The following PDE1C variants were observed in gnomAD, a reference collection of about 807,000 sequenced individuals.
The protein encoded by PDE1C is dual specificity calcium/calmodulin-dependent 3',5'-cyclic nucleotide phosphodiesterase 1C.
In PDE1C, 62 loss-of-function variants were observed where a neutral mutation model predicts 93.1. The observed-to-expected ratio is 0.67, with a 90% CI of 0.54 to 0.82. The LOEUF is 0.82. Among genes scored for constraint, PDE1C ranks in the 40% least tolerant of loss-of-function variants. The pLI is 0.00. For missense variants in PDE1C, 742 were observed against 884.6 expected, an observed-to-expected ratio of 0.84 and a Z score of 2.04; for synonymous variants, 325 against 310.1, an observed-to-expected ratio of 1.05 and a Z score of -0.50.
chr7:31,696,946 T>A, the PDE1C span: 5 of 1,612,420 alleles, frequency 3.1e-6, no homozygotes, highest in Admixed American at 6.7e-5. Context: ...TTTCTCTCTG[T>A]GTTCCCCTAA....
At chr7:31,725,254 T>C in the PDE1C span, among the ~76,000 whole-genome samples, 1 of 152,092 alleles carries the variant, frequency 6.6e-6, no homozygotes, top group African/African-American at 2.4e-5. Flanking sequence ...TACTGGTAGG[T>C]ATGAAGGGAG....
At chr7:32,093,480 C>A (rs1404458390) in intron 3 of PDE1C, among the ~76,000 whole-genome samples, 1 of 152,220 alleles carries the variant, frequency 6.6e-6, no homozygotes, top group Non-Finnish European at 1.5e-5. Context: ...GGCCCAGTAT[C>A]TTGTTGAGGG....
rs575197568 is a variant in PDE1C at position 32,001,945 on chromosome 7, G to A, written c.128+49609C>T. 2.6e-5 allele frequency among the ~76,000 whole-genome samples: 4 copies of A among 152,284 alleles called. No homozygotes were observed. In the East Asian group the frequency reaches 7.7e-4, roughly 29 times the overall value. ...GTTGTGGCAGGTTCCTGTAATCCCA[G>A]CTACTCAGGAAGCTGAGGCAGGAGA... is the stretch of plus-strand genomic sequence containing the variant. On this transcript the variant is annotated intron_variant, in intron 2 of 17. Transcript: ENST00000396191.
chr7:32,359,948 T>C (rs74784394), intron 1 of PDE1C, among the ~76,000 whole-genome samples: 1,686 of 152,316 alleles, frequency 0.011, 31 homozygotes, highest in African/African-American at 0.039. Context: ...CATTCCTCCA[T>C]TGACTCCTCC....
intron 2 of PDE1C, among the ~76,000 whole-genome samples, chr7:31,958,586 G>A (rs375316493): frequency 6.6e-6 from 1 of 152,184 alleles, no homozygotes; most frequent in Non-Finnish European, 1.5e-5. Flanking sequence ...CTGTCGAACA[G>A]TAGTCATTCA....
At chr7:31,705,228 C>A in the PDE1C span, among the ~76,000 whole-genome samples, 1 of 152,050 alleles carries the variant, frequency 6.6e-6, no homozygotes. Context: ...GGAGCAGATT[C>A]TCATATGATT....
At chr7:31,937,891 C>G (rs115040398) in intron 2 of PDE1C, among the ~76,000 whole-genome samples, 3,376 of 152,282 alleles carry the variant, frequency 0.022, 130 homozygotes, top group African/African-American at 0.077. Flanking sequence ...CCACAAAAAG[C>G]TTCTGAAGTG....
At chr7:32,269,243 A>G (rs1257451606) in intron 1 of PDE1C, among the ~76,000 whole-genome samples, 1 of 149,538 alleles carries the variant, frequency 6.7e-6, no homozygotes, top group East Asian at 2.0e-4. Context: ...AAAACAGCAG[A>G]TTCTGAGCCA....
chr7:32,048,514 G>A (rs2128679544), intron 2 of PDE1C, among the ~76,000 whole-genome samples: 1 of 151,362 alleles, frequency 6.6e-6, no homozygotes, highest in South Asian at 2.1e-4. Flanking sequence ...GGGAGAGAGA[G>A]AAAAAAAATA....
rs1392425874 is a variant in PDE1C at position 31,880,787 on chromosome 7, C to T, written c.202G>A (p.Ala68Thr). Reference sequence around the variant, plus strand: ...TACACAGATTCAAGCACTGTGGCTGCATATTCCAAATTCTTCTTAAGATCT... The same window carrying T: ...TACACAGATTCAAGCACTGTGGCTGTATATTCCAAATTCTTCTTAAGATCT... ...VVDLKKNLEY[A>T]ATVLESVYID... The change falls in exon 3 of 18, where the codon GCA (alanine) becomes ACA (threonine). Residue 68 changes from alanine (A) to threonine (T), a missense_variant. Coordinates refer to ENST00000396191, the MANE Select transcript of PDE1C (RefSeq NM_001191057.4). The T allele has an allele frequency of 5.6e-6, 9 of 1,610,888 alleles. No individual in the cohort carries two copies. The African/African-American group carries it at 1.1e-4, about 19-fold the overall frequency.
intron 1 of PDE1C, among the ~76,000 whole-genome samples, chr7:32,240,026 C>G (rs929786598): frequency 1.3e-5 from 2 of 152,196 alleles, no homozygotes; most frequent in Admixed American, 6.5e-5. Flanking sequence ...CCTGCCACCC[C>G]ATGTATAGGC....
the PDE1C span, among the ~76,000 whole-genome samples, chr7:31,732,208 G>C: frequency 6.6e-6 from 1 of 152,162 alleles, no homozygotes; most frequent in African/African-American, 2.4e-5. Context: ...TCTTCTTGTG[G>C]TGGTACCAGC....
At chr7:32,199,277 T>G (rs1216016627) in intron 2 of PDE1C, among the ~76,000 whole-genome samples, 4 of 152,208 alleles carry the variant, frequency 2.6e-5, no homozygotes, top group Non-Finnish European at 2.9e-5. Context: ...ATTTTTTATT[T>G]TCCTGATTGA....
chr7:31,643,636 C>A, the PDE1C span: 1 of 1,614,046 alleles, frequency 6.2e-7, no homozygotes, highest in East Asian at 2.2e-5. Flanking sequence ...AAAAGCAAGA[C>A]AGTTAAATGA....
chr7:32,067,855 C>G (rs1436558542), intron 1 of PDE1C, among the ~76,000 whole-genome samples: 1 of 152,192 alleles, frequency 6.6e-6, no homozygotes, highest in Non-Finnish European at 1.5e-5. Context: ...TTATGCTTCA[C>G]CACCTATTGA....
At chr7:31,965,809 T>A (rs892324435) in intron 2 of PDE1C, among the ~76,000 whole-genome samples, 3 of 152,186 alleles carry the variant, frequency 2.0e-5, no homozygotes, top group African/African-American at 7.2e-5. Context: ...ATATGCAACA[T>A]TCTTAAAGAA....
At chr7:31,934,130 G>A (rs1287691251) in intron 2 of PDE1C, among the ~76,000 whole-genome samples, 1 of 152,164 alleles carries the variant, frequency 6.6e-6, no homozygotes, top group African/African-American at 2.4e-5. Flanking sequence ...TCTCTGCCAA[G>A]AGACTTCATA....
Position 32,078,800 on chromosome 7 carries a change from A to G in PDE1C, c.308+90985T>C, listed in dbSNP as rs1162028671. Reference sequence around the variant, plus strand: ...AAATTAGCCAGGTGTGGTGGTGCACACCTGTGGCCCTGGCTACTAGGGAGG... The same window carrying G: ...AAATTAGCCAGGTGTGGTGGTGCACGCCTGTGGCCCTGGCTACTAGGGAGG... On this transcript the variant is annotated intron_variant, in intron 3 of 18. Coordinates refer to the PDE1C transcript ENST00000396193. Among the ~76,000 whole-genome samples, 5 of 151,810 alleles carry G rather than the reference A, an allele frequency of 3.3e-5. No individual in the cohort carries two copies. The East Asian group carries it at 9.7e-4, about 29-fold the overall frequency.
At chr7:32,365,549 C>A (rs573442023) in intron 1 of PDE1C, among the ~76,000 whole-genome samples, 96 of 152,252 alleles carry the variant, frequency 6.3e-4, no homozygotes, top group African/African-American at 2.2e-3. Flanking sequence ...AGAAACAGAC[C>A]TACAGTCCAC....
Sources: gnomAD v4.1 joint callset for allele counts (sites outside exome capture counted in the v4.1 genomes callset) on GRCh38, gnomAD v4.1.1 for gene constraint, MANE v1.5 for transcripts, NCBI Gene and HGNC (gene_info 2026-07-23, HGNC 2026-07-21) for gene names.